The following PIAS1 variants were observed in gnomAD, a reference collection of about 807,000 sequenced individuals.
PIAS1 encodes protein inhibitor of activated STAT 1, also known as E3 SUMO-protein ligase PIAS1.
Under a neutral mutation model 71.3 loss-of-function variants are expected in PIAS1, and 6 were observed. The observed-to-expected ratio is 0.08, with a 90% CI of 0.05 to 0.17. The LOEUF (loss-of-function observed/expected upper bound fraction) is 0.17. Among genes scored for constraint, PIAS1 ranks in the 10% least tolerant of loss-of-function variants. PIAS1 has a pLI of 1.00. For synonymous variants in PIAS1, 303 were observed against 292.9 expected (o/e 1.03, Z -0.35); for missense variants, 555 against 793.6 (o/e 0.70, Z 3.61).
intron 1 of PIAS1, among the ~76,000 whole-genome samples, chr15:68,056,968 A>AC (rs1370039201): frequency 1.3e-5 from 2 of 152,178 alleles, no homozygotes; most frequent in African/African-American, 2.4e-5. Flanking sequence ...GAGTACTTCA[A>AC]CTGTGAAGCT....
chr15:68,150,657 A>C (rs1365923613), intron 6 of PIAS1, among the ~76,000 whole-genome samples: 2 of 152,146 alleles, frequency 1.3e-5, no homozygotes. Flanking sequence ...CAGGGTAAGC[A>C]CTCCTTTTAG....
chr15:68,075,078 C>CTTTTTT (rs146114696), intron 1 of PIAS1, among the ~76,000 whole-genome samples: 17 of 81,766 alleles, frequency 2.1e-4, no homozygotes, highest in South Asian at 4.0e-4. Context: ...TTCTTTCTTT[C>CTTTTTT]TTTTTTTTTT....
chr15:68,142,960 A>G (rs1449597834), intron 4 of PIAS1, among the ~76,000 whole-genome samples: 4 of 152,148 alleles, frequency 2.6e-5, no homozygotes. Flanking sequence ...AAATTTTCCA[A>G]CATGGATTCA....
chr15:68,097,936 G>GT (rs1475511632), intron 2 of PIAS1, among the ~76,000 whole-genome samples: 2 of 152,108 alleles, frequency 1.3e-5, no homozygotes, highest in Admixed American at 6.5e-5. Context: ...CATTTGTGGG[G>GT]TTTTTTAATC....
chr15:68,150,342 G>T (rs2092836405), intron 6 of PIAS1, among the ~76,000 whole-genome samples: 1 of 152,012 alleles, frequency 6.6e-6, no homozygotes, highest in African/African-American at 2.4e-5. Context: ...CTCTTCCATA[G>T]GAAGGCTTCC....
intron 2 of PIAS1, among the ~76,000 whole-genome samples, chr15:68,117,645 A>C (rs186501875): frequency 1.3e-5 from 2 of 152,244 alleles, no homozygotes; most frequent in East Asian, 3.9e-4. Context: ...TATTTCACTT[A>C]ATGTCTTCCA....
rs28660999 is a variant in PIAS1 at position 68,178,631 on chromosome 15, T to C, written c.1481+1977T>C. Among the ~76,000 whole-genome samples, 1,727 of 152,312 alleles carry C rather than the reference T, an allele frequency of 0.011. 31 individuals are homozygous for C. Among genetic ancestry groups the C allele is most frequent in the African/African-American group, 0.04 (1,655 of 41,566 alleles). On this transcript the variant is annotated intron_variant, in intron 11 of 13. Transcript: ENST00000249636. The surrounding 1 kb of genome is among the most constrained non-coding windows in gnomAD (Gnocchi z 4.2). ...CCAAATACACATTGTCATGTGATTT[T>C]TTTAAGTGCCATAATCACAATTTTA...
Position 68,189,072 on chromosome 15 carries a change from T to C in PIAS1, c.*1237T>C, listed in dbSNP as rs7350788. Reference sequence around the variant, plus strand: ...TACCTATTTTCTTAGCGTATCTGCCTTGTTTATCTTTTTCTTCACCTTTTA... The same window carrying C: ...TACCTATTTTCTTAGCGTATCTGCCCTGTTTATCTTTTTCTTCACCTTTTA... On this transcript the variant is annotated 3_prime_UTR_variant, in exon 14 of 14. Coordinates refer to ENST00000249636, the MANE Select transcript of PIAS1 (RefSeq NM_016166.3). 6.6e-6 allele frequency: 1 copy of C among 152,250 alleles called. No homozygotes were observed. Among genetic ancestry groups the C allele is most frequent in the Non-Finnish European group, 1.5e-5 (1 of 68,034 alleles). The allele number at this position is 152,250 out of a possible 1,614,324, so 9.4% of individuals were successfully genotyped here. A position where few individuals can be genotyped will look rare whatever the true frequency, so the allele number is the denominator to read the frequency against.
intron 1 of PIAS1, among the ~76,000 whole-genome samples, chr15:68,064,061 T>C (rs184445877): frequency 6.6e-6 from 1 of 152,292 alleles, no homozygotes; most frequent in Admixed American, 6.5e-5. Context: ...GAATATCAAA[T>C]CTGATGGTTA....
At chr15:68,075,173 C>G (rs1188181507) in intron 1 of PIAS1, among the ~76,000 whole-genome samples, 2 of 149,408 alleles carry the variant, frequency 1.3e-5, no homozygotes, top group Non-Finnish European at 3.0e-5. Flanking sequence ...CAACCTCCGC[C>G]CCCCCAGGTT....
chr15:68,121,870 G>A (rs972657192), intron 2 of PIAS1, among the ~76,000 whole-genome samples: 2 of 152,206 alleles, frequency 1.3e-5, no homozygotes, highest in Non-Finnish European at 2.9e-5. Flanking sequence ...GCTCACACCT[G>A]TAATCCCAGC....
chr15:68,086,242 T>C lies in PIAS1; in HGVS notation c.25-64T>C, dbSNP rs1036558605. On this transcript the variant is annotated intron_variant, in intron 1 of 13. Coordinates refer to ENST00000249636, the MANE Select transcript of PIAS1 (RefSeq NM_016166.3). This position sits in a 1 kb window ranked among gnomAD's most constrained non-coding sequence, Gnocchi z 7.2. ...ATAAGAAGGGGGTTATAATAAAGTG[T>C]CATTTAATAGTGTAAATTATATTAT... is the stretch of plus-strand genomic sequence containing the variant. The C allele has an allele frequency of 2.3e-5, 26 of 1,111,408 alleles. No homozygotes were observed. Among genetic ancestry groups the C allele is most frequent in the African/African-American group, 2.2e-4 (14 of 63,278 alleles). 68.8% of individuals were successfully genotyped at this position (1,111,408 alleles called of 1,614,324 possible). A position where few individuals can be genotyped will look rare whatever the true frequency, so the allele number is the denominator to read the frequency against.
intron 2 of PIAS1, among the ~76,000 whole-genome samples, chr15:68,137,867 T>A (rs762572742): frequency 6.6e-6 from 1 of 152,044 alleles, no homozygotes; most frequent in Non-Finnish European, 1.5e-5. Flanking sequence ...TAGAAACAAC[T>A]AAAGAAGATT....
chr15:68,117,789 C>A (rs529105041), intron 2 of PIAS1, among the ~76,000 whole-genome samples: 1 of 152,250 alleles, frequency 6.6e-6, no homozygotes, highest in East Asian at 1.9e-4. Context: ...TCATATCTTG[C>A]GATTGTGAGT....
At chr15:68,161,658 A>G (rs758514640) in intron 7 of PIAS1, among the ~76,000 whole-genome samples, 3 of 152,078 alleles carry the variant, frequency 2.0e-5, no homozygotes, top group Non-Finnish European at 4.4e-5. Flanking sequence ...TGTTGCCAGC[A>G]TGGTGGCTAT....
intron 6 of PIAS1, among the ~76,000 whole-genome samples, chr15:68,151,799 G>C (rs1209368364): frequency 6.6e-6 from 1 of 151,560 alleles, no homozygotes; most frequent in Non-Finnish European, 1.5e-5. Flanking sequence ...GGTGGAGGTT[G>C]CAGGGAGCCG....
intron 7 of PIAS1, among the ~76,000 whole-genome samples, chr15:68,164,179 T>C (rs2092942131): frequency 6.6e-6 from 1 of 152,130 alleles, no homozygotes; most frequent in Admixed American, 6.5e-5. Flanking sequence ...AAGTATTTTA[T>C]AGAGAAATAG....
At chr15:68,182,815 A>AT (rs2093063647) in intron 12 of PIAS1, among the ~76,000 whole-genome samples, 1 of 152,162 alleles carries the variant, frequency 6.6e-6, no homozygotes, top group Non-Finnish European at 1.5e-5. Context: ...AGTGCTATGC[A>AT]TTTTGTAAGC....
chr15:68,135,243 G>A (rs2092720532), intron 2 of PIAS1, among the ~76,000 whole-genome samples: 1 of 29,664 alleles, frequency 3.4e-5, no homozygotes, highest in South Asian at 8.1e-4. Flanking sequence ...GGCGGGGGCT[G>A]ACCCCCCCAC....
Sources: gnomAD v4.1 joint callset for allele counts (sites outside exome capture counted in the v4.1 genomes callset) on GRCh38, gnomAD v4.1.1 for gene constraint, Gnocchi (gnomAD v3.1) non-coding constraint, MANE v1.5 for transcripts, NCBI Gene and HGNC (gene_info 2026-07-23, HGNC 2026-07-21) for gene names.